VTI1A: variants seen among roughly 807,000 people sequenced by gnomAD.
The protein encoded by VTI1A is vesicle transport through interaction with t-SNAREs 1A.
A neutral mutation model predicts 34.9 loss-of-function variants in VTI1A; 22 were observed. The observed-to-expected ratio is 0.63, with a 90% CI of 0.45 to 0.90. The LOEUF is 0.90. Ranked by LOEUF, VTI1A falls within the 40% of genes least tolerant of loss-of-function variation. The pLI is 0.00. For missense variants in VTI1A, 268 were observed against 275.6 expected (o/e 0.97, Z 0.20); for synonymous variants, 87 against 97.3 (o/e 0.89, Z 0.62).
At chr10:112,486,024 T>C (rs1848612892) in intron 3 of VTI1A, among the ~76,000 whole-genome samples, 1 of 152,242 alleles carries the variant, frequency 6.6e-6, no homozygotes, top group African/African-American at 2.4e-5. Context: ...CAAAGTACTT[T>C]GGGTTAATAA....
intron 5 of VTI1A, among the ~76,000 whole-genome samples, chr10:112,606,468 A>C (rs1845089904): frequency 6.6e-6 from 1 of 151,976 alleles, no homozygotes; most frequent in Non-Finnish European, 1.5e-5. Context: ...GCTTTTCCTC[A>C]TTATTTCCAG....
At position 112,818,368 on chromosome 10, in the gene VTI1A, C is replaced by G; in HGVS notation, c.*2985C>G. ...TTGGGTTTTCATTACCAAACAGCAT[C>G]CAGAGATTATCAACCCATAGAAGAA... On this transcript the variant is annotated 3_prime_UTR_variant, in exon 8 of 8. Coordinates refer to ENST00000393077, the MANE Select transcript of VTI1A (RefSeq NM_145206.4). 4.3e-6 allele frequency: 1 copy of G among 232,714 alleles called. No individual in the cohort carries two copies. Among genetic ancestry groups the G allele is most frequent in the Non-Finnish European group, 8.5e-6 (1 of 117,676 alleles). The allele number at this position is 232,714 out of a possible 1,614,324, so 14.4% of individuals were successfully genotyped here. A position where few individuals can be genotyped will look rare whatever the true frequency, so the allele number is the denominator to read the frequency against.
intron 7 of VTI1A, among the ~76,000 whole-genome samples, chr10:112,763,438 C>CAA (rs397714967): frequency 0.068 from 7,347 of 108,830 alleles, 653 homozygotes; most frequent in African/African-American, 0.22. Flanking sequence ...GACACCATCT[C>CAA]AAAAAAAAAA....
At chr10:112,553,026 T>C (rs1055825216) in intron 5 of VTI1A, among the ~76,000 whole-genome samples, 5 of 152,202 alleles carry the variant, frequency 3.3e-5, no homozygotes, top group African/African-American at 1.2e-4. Flanking sequence ...TGCTAACAAA[T>C]TCAAATGAAC....
At chr10:112,827,978 GCTCTCATT>G in the VTI1A span, among the ~76,000 whole-genome samples, 1 of 152,130 alleles carries the variant, frequency 6.6e-6, no homozygotes, top group Non-Finnish European at 1.5e-5. Context: ...TTGGATCTGA[GCTCTCATT>G]CTCTCACTGG....
intron 7 of VTI1A, among the ~76,000 whole-genome samples, chr10:112,734,819 A>AT (rs1850396615): frequency 6.6e-6 from 1 of 151,814 alleles, no homozygotes; most frequent in African/African-American, 2.4e-5. Flanking sequence ...TGCCAGGCTA[A>AT]TTTTTTTGTA....
chr10:112,769,946 A>G (rs1031235047), intron 7 of VTI1A, among the ~76,000 whole-genome samples: 1 of 152,144 alleles, frequency 6.6e-6, no homozygotes, highest in Non-Finnish European at 1.5e-5. Context: ...AATCCACCCC[A>G]TGGTTGCCAT....
chr10:112,562,893 G>A (rs560210063), intron 5 of VTI1A, among the ~76,000 whole-genome samples: 2 of 152,104 alleles, frequency 1.3e-5, no homozygotes, highest in Non-Finnish European at 2.9e-5. Flanking sequence ...CGATCCTATC[G>A]GAAAACAGAA....
At chr10:112,650,718 G>A (rs903380699) in intron 5 of VTI1A, among the ~76,000 whole-genome samples, 5 of 152,150 alleles carry the variant, frequency 3.3e-5, no homozygotes, top group African/African-American at 7.2e-5. Flanking sequence ...AATTTTCAGC[G>A]CTATTATAAT....
chr10:112,712,722 T>G (rs1441806621), intron 7 of VTI1A, among the ~76,000 whole-genome samples: 2 of 152,206 alleles, frequency 1.3e-5, no homozygotes, highest in Non-Finnish European at 2.9e-5. Flanking sequence ...TACTTCACTT[T>G]CCACTGCTGC....
At chr10:112,525,879 C>T (rs560959550) in intron 3 of VTI1A, among the ~76,000 whole-genome samples, 100 of 152,294 alleles carry the variant, frequency 6.6e-4, no homozygotes, top group African/African-American at 2.3e-3. Context: ...CGCTTATTCA[C>T]TAGTTTAAAA....
chr10:112,496,376 C>T (rs1254794259), intron 3 of VTI1A, among the ~76,000 whole-genome samples: 1 of 151,998 alleles, frequency 6.6e-6, no homozygotes, highest in Non-Finnish European at 1.5e-5. Context: ...TCAAGACCAG[C>T]CTGGCCAACA....
chr10:112,536,794 C>T (rs1359935382), intron 4 of VTI1A, among the ~76,000 whole-genome samples: 2 of 139,526 alleles, frequency 1.4e-5, no homozygotes, highest in Non-Finnish European at 3.1e-5. Context: ...TTTGATGTGG[C>T]TTTAGCTGCC....
intron 5 of VTI1A, among the ~76,000 whole-genome samples, chr10:112,545,978 ATGTGTGTGTATATACGTGTATACGCG>A (rs1851073391): frequency 7.2e-6 from 1 of 139,504 alleles, no homozygotes; most frequent in South Asian, 2.2e-4. Context: ...GTATACACGT[ATGTGTGTGTATATACGTGTATACGCG>A]TATGTGTGTG....
chr10:112,457,757 A>G (rs1170522483), intron 1 of VTI1A, among the ~76,000 whole-genome samples: 3 of 152,198 alleles, frequency 2.0e-5, no homozygotes, highest in African/African-American at 7.2e-5. Flanking sequence ...TCCAAGGAAC[A>G]TCAGCAGTTG....
chr10:112,477,815 A>T (rs1384776960), intron 3 of VTI1A, among the ~76,000 whole-genome samples: 2 of 152,202 alleles, frequency 1.3e-5, no homozygotes, highest in East Asian at 3.8e-4. Flanking sequence ...GCATCTTTGC[A>T]TATTGAATGA....
chr10:112,781,578 C>T (rs1402206630), intron 7 of VTI1A, among the ~76,000 whole-genome samples: 1 of 151,984 alleles, frequency 6.6e-6, no homozygotes, highest in Non-Finnish European at 1.5e-5. Flanking sequence ...CGGTGGCTCA[C>T]ACCTGTGATC....
chr10:112,849,950 G>A, the VTI1A span, among the ~76,000 whole-genome samples: 18 of 152,180 alleles, frequency 1.2e-4, no homozygotes, highest in South Asian at 2.1e-4. Context: ...GGGCTCCCCC[G>A]GAAGGCGTCC....
At chr10:112,490,533 G>A (rs567816024) in intron 3 of VTI1A, among the ~76,000 whole-genome samples, 3 of 151,956 alleles carry the variant, frequency 2.0e-5, no homozygotes, top group African/African-American at 7.2e-5. Flanking sequence ...CACTATATGT[G>A]TATTGTCATT....
Sources: allele counts gnomAD v4.1 joint callset (sites outside exome capture counted in the v4.1 genomes callset), GRCh38; gene constraint gnomAD v4.1.1; transcripts MANE v1.5; gene names NCBI Gene and HGNC (gene_info 2026-07-23, HGNC 2026-07-21).